The following LRP8 variants were observed in gnomAD, a reference collection of about 807,000 sequenced individuals.
LRP8 encodes the protein LDL receptor related protein 8, also known as low-density lipoprotein receptor-related protein 8.
Under a neutral mutation model 111.6 loss-of-function variants are expected in LRP8, and 46 were observed. The observed-to-expected ratio is 0.41, with a 90% CI of 0.33 to 0.53. The LOEUF (loss-of-function observed/expected upper bound fraction) is 0.53, where lower values mean the gene tolerates loss of function less well. Among genes scored for constraint, LRP8 ranks in the 20% least tolerant of loss-of-function variants. The probability of loss-of-function intolerance (pLI) is 0.20; values close to 1 mark genes in which losing one functional copy is unlikely to be tolerated. For synonymous variants in LRP8, 464 were observed against 511.2 expected (o/e 0.91, Z 1.24); for missense variants, 959 against 1,297.4 (o/e 0.74, Z 4.01).
intron 3 of LRP8, 121 bp downstream of exon 3, chr1:53,289,446 C>G (rs1190693709): frequency 7.4e-7 from 1 of 1,352,480 alleles, no homozygotes; most frequent in African/African-American, 1.5e-5. Flanking sequence ...ACCAGGAGCG[C>G]CCTGAGTGCG....
chr1:53,324,701 T>C (rs57315332), intron 2 of LRP8, among the ~76,000 whole-genome samples: 5,629 of 152,320 alleles, frequency 0.037, 274 homozygotes, highest in African/African-American at 0.1. Context: ...TTGGCCCACC[T>C]GAGCGTCACT....
At chr1:53,269,514 T>G (rs537626480) in intron 8 of LRP8, among the ~76,000 whole-genome samples, 16 of 152,020 alleles carry the variant, frequency 1.1e-4, no homozygotes, top group Non-Finnish European at 2.2e-4. Context: ...AGGGTCTTAC[T>G]ACATTGCCCA....
chr1:53,289,273 C>G, intron 3 of LRP8: 1 of 247,462 alleles, frequency 4.0e-6, no homozygotes. Flanking sequence ...AGAACAGCAG[C>G]AGGGAGGCCT....
chr1:53,279,596 T>C lies in LRP8; in HGVS notation c.496+991A>G, dbSNP rs937720786. On this transcript the variant is annotated intron_variant, in intron 4 of 18. Coordinates refer to ENST00000306052, the MANE Select transcript of LRP8 (RefSeq NM_004631.5). This position sits in a 1 kb window ranked among gnomAD's most constrained non-coding sequence, Gnocchi z 4.4. ...CACATCAAATTCCAGACTTAGAATC[T>C]TAAAGTGTGACGACTCAGACACCTC... Among the ~76,000 whole-genome samples, 1 of 152,214 alleles carries C rather than the reference T, an allele frequency of 6.6e-6. No homozygotes were observed. Among genetic ancestry groups the C allele is most frequent in the Admixed American group, 6.5e-5 (1 of 15,284 alleles).
rs1653979997 is a variant in LRP8, at chr1:53,317,645, G to T, written c.244+9228C>A. On this transcript the variant is annotated intron_variant, in intron 2 of 18. Transcript: ENST00000306052. The surrounding 1 kb of genome is among the most constrained non-coding windows in gnomAD (Gnocchi z 4.9). ...TCCCTGTGCAGGAATCACAGGCTCA[G>T]GAAGGGAAGGGAAACGCTCATTTTC... is the stretch of plus-strand genomic sequence containing the variant. Among the ~76,000 whole-genome samples the T allele has an allele frequency of 6.6e-6, 1 of 152,228 alleles. No homozygotes were observed. The highest frequency in any genetic ancestry group is 1.5e-5 in the Non-Finnish European group (1 of 68,046).
At chr1:53,308,811 C>G (rs1403508317) in intron 2 of LRP8, among the ~76,000 whole-genome samples, 1 of 152,216 alleles carries the variant, frequency 6.6e-6, no homozygotes, top group African/African-American at 2.4e-5. Flanking sequence ...TCCTTTATCC[C>G]TTGCCTGGTG....
chr1:53,251,697 G>A (rs973828540), intron 16 of LRP8, among the ~76,000 whole-genome samples: 5 of 151,582 alleles, frequency 3.3e-5, no homozygotes, highest in African/African-American at 9.7e-5. Context: ...AATATTTATT[G>A]TCTTAGAGAT....
intron 2 of LRP8, among the ~76,000 whole-genome samples, chr1:53,315,430 A>C (rs1470968957): frequency 1.3e-5 from 2 of 152,156 alleles, no homozygotes; most frequent in African/African-American, 4.8e-5. Flanking sequence ...AGTGTGCCTC[A>C]GAAGTTAACT....
At chr1:53,255,070 T>C in intron 16 of LRP8, 47 bp downstream of exon 16, 1 of 1,596,006 alleles carries the variant, frequency 6.3e-7, no homozygotes, top group Non-Finnish European at 8.6e-7. Flanking sequence ...TCCCTAGGCC[T>C]AAGCAGGGTC....
rs1278128195 is a variant in LRP8 at position 53,271,116 on chromosome 1, C to T, written c.1164G>A (p.Gln388=). Residue 388 remains glutamine, a synonymous_variant, in exon 8 of 19, where the codon CAG becomes CAA. Coordinates refer to ENST00000306052, the MANE Select transcript of LRP8 (RefSeq NM_004631.5). ...AATAGCCCTTGTAATTGACACAGAT[C>T]TGGCTGCAGGCATCTGGGTCCTTGC... The part of the protein sequence containing the change: ...DECKDPDACS[Q]ICVNYKGYFK... The T allele has an allele frequency of 1.2e-6, 2 of 1,613,988 alleles. No individual in the cohort carries two copies. The highest frequency in any genetic ancestry group is 2.2e-5 in the East Asian group (1 of 44,870).
chr1:53,269,506 G>A (rs571538253), intron 8 of LRP8, among the ~76,000 whole-genome samples: 37 of 151,792 alleles, frequency 2.4e-4, no homozygotes, highest in African/African-American at 8.7e-4. Context: ...TTAGATATAG[G>A]GTCTTACTAC....
chr1:53,282,954 G>C, intron 3 of LRP8, among the ~76,000 whole-genome samples: 1 of 152,286 alleles, frequency 6.6e-6, no homozygotes, highest in East Asian at 1.9e-4. Flanking sequence ...TCAAGGGAGG[G>C]GGAGGGGAGT....
chr1:53,296,554 C>T (rs4926968), intron 2 of LRP8, among the ~76,000 whole-genome samples: 2 of 152,160 alleles, frequency 1.3e-5, no homozygotes, highest in East Asian at 1.9e-4. Flanking sequence ...CCAAGACGAC[C>T]GCTTCCAGCA....
chr1:53,312,312 C>A (rs1228050601), intron 2 of LRP8, among the ~76,000 whole-genome samples: 1 of 152,160 alleles, frequency 6.6e-6, no homozygotes, highest in Non-Finnish European at 1.5e-5. Context: ...TTCCAAGATC[C>A]TCTGTTTCTT....
chr1:53,314,171 A>C (rs911319354), intron 2 of LRP8, among the ~76,000 whole-genome samples: 1 of 152,184 alleles, frequency 6.6e-6, no homozygotes, highest in African/African-American at 2.4e-5. Flanking sequence ...CCCCAGTGCT[A>C]TGTGCTGTGC....
Position 53,262,656 on chromosome 1 carries a change from G to T in LRP8, c.1656-92C>A. On this transcript the variant is annotated intron_variant, in intron 10 of 18. Transcript: ENST00000306052. The surrounding 1 kb of genome is among the most constrained non-coding windows in gnomAD (Gnocchi z 4.8). ...GAGCTCAATAACCCATTGACTAGTT[G>T]TGGTTTATGTTTAGTAGGGACTGAG... 1 of 971,108 alleles carries T rather than the reference G, an allele frequency of 1.0e-6. No individual in the cohort carries two copies. Among genetic ancestry groups the T allele is most frequent in the Non-Finnish European group, 1.6e-6 (1 of 606,534 alleles). 60.2% of individuals were successfully genotyped at this position (971,108 alleles called of 1,614,324 possible). A position where few individuals can be genotyped will look rare whatever the true frequency, so the allele number is the denominator to read the frequency against.
chr1:53,286,596 T>C (rs1450038720), intron 3 of LRP8, among the ~76,000 whole-genome samples: 1 of 152,240 alleles, frequency 6.6e-6, no homozygotes, highest in East Asian at 1.9e-4. Context: ...AGGCAAATGT[T>C]CTGGGCTTTT....
chr1:53,273,744 T>C (rs547576210), intron 6 of LRP8, among the ~76,000 whole-genome samples: 2 of 152,272 alleles, frequency 1.3e-5, no homozygotes, highest in African/African-American at 4.8e-5. Flanking sequence ...TCACTTTCAC[T>C]CAACTACTCT....
At chr1:53,268,818 T>TTGGA (rs2100399699) in intron 8 of LRP8, among the ~76,000 whole-genome samples, 1 of 152,338 alleles carries the variant, frequency 6.6e-6, no homozygotes, top group Non-Finnish European at 1.5e-5. Context: ...GCAAATCCTG[T>TTGGA]TGGCTGGCCT....
Sources: allele counts gnomAD v4.1 joint callset (sites outside exome capture counted in the v4.1 genomes callset), GRCh38; gene constraint gnomAD v4.1.1; non-coding constraint Gnocchi (gnomAD v3.1); transcripts MANE v1.5; gene names NCBI Gene and HGNC (gene_info 2026-07-23, HGNC 2026-07-21).